The following DNAH3 variants were observed in gnomAD, a reference collection of about 807,000 sequenced individuals.
The protein encoded by DNAH3 is dynein axonemal heavy chain 3, also known as axonemal beta dynein heavy chain 3.
A neutral mutation model predicts 432.5 loss-of-function variants in DNAH3; 332 were observed. The observed-to-expected ratio is 0.77, with a 90% CI of 0.70 to 0.84. The LOEUF is 0.84. Among genes scored for constraint, DNAH3 ranks in the 40% least tolerant of loss-of-function variants. The pLI, the probability that DNAH3 is intolerant of heterozygous loss-of-function variation, is 0.00. For synonymous variants in DNAH3, 1,956 were observed against 1,900.2 expected (o/e 1.03, Z -0.76); for missense variants, 4,861 against 5,114.0 (o/e 0.95, Z 1.51).
intron 37 of DNAH3, among the ~76,000 whole-genome samples, chr16:21,028,300 TC>T (rs1185405314): frequency 1.3e-5 from 2 of 152,118 alleles, no homozygotes; most frequent in Non-Finnish European, 2.9e-5. Flanking sequence ...TGTCTCTGCC[TC>T]CCAAAGTGCT....
chr16:21,157,170 C>A (rs1413306177), intron 1 of DNAH3, among the ~76,000 whole-genome samples: 1 of 152,086 alleles, frequency 6.6e-6, no homozygotes, highest in African/African-American at 2.4e-5. Flanking sequence ...TGTGGAATTA[C>A]AGCAGGATTC....
chr16:20,936,112 C>T (rs2083579016), intron 60 of DNAH3, among the ~76,000 whole-genome samples: 1 of 151,928 alleles, frequency 6.6e-6, no homozygotes, highest in Non-Finnish European at 1.5e-5. Context: ...CCAAACCAAA[C>T]ATAATTATTG....
At chr16:21,105,563 C>T (rs769619490) in intron 15 of DNAH3, among the ~76,000 whole-genome samples, 23 of 152,000 alleles carry the variant, frequency 1.5e-4, no homozygotes, top group Non-Finnish European at 2.8e-4. Context: ...GCCAGGAGTT[C>T]AAGACTAGCC....
intron 20 of DNAH3, among the ~76,000 whole-genome samples, chr16:21,079,920 G>C (rs1262717978): frequency 2.0e-5 from 3 of 152,202 alleles, no homozygotes; most frequent in Non-Finnish European, 4.4e-5. Context: ...AATTAGACCT[G>C]CTCTGGTGCA....
chr16:21,094,316 T>A (rs1212869449), intron 18 of DNAH3, among the ~76,000 whole-genome samples: 3 of 152,046 alleles, frequency 2.0e-5, no homozygotes, highest in Non-Finnish European at 4.4e-5. Context: ...CATTAGGCAT[T>A]GGGGAAATGC....
intron 20 of DNAH3, among the ~76,000 whole-genome samples, chr16:21,080,383 A>G (rs761698598): frequency 1.3e-5 from 2 of 152,252 alleles, no homozygotes; most frequent in Non-Finnish European, 2.9e-5. Flanking sequence ...TAGTTCCAAT[A>G]ATGTATTTGA....
intron 1 of DNAH3, among the ~76,000 whole-genome samples, chr16:21,148,181 G>A (rs1002467295): frequency 2.0e-5 from 3 of 152,044 alleles, no homozygotes; most frequent in African/African-American, 7.2e-5. Context: ...CCTTAAAGAT[G>A]ACTCAAATTA....
At chr16:21,153,925 C>A (rs548922636) in intron 1 of DNAH3, among the ~76,000 whole-genome samples, 1 of 152,174 alleles carries the variant, frequency 6.6e-6, no homozygotes, top group Non-Finnish European at 1.5e-5. Context: ...GCTTTTCCAT[C>A]TCTTATATTA....
chr16:21,018,837 G>A (rs1163477719), intron 41 of DNAH3, among the ~76,000 whole-genome samples: 2 of 151,974 alleles, frequency 1.3e-5, no homozygotes, highest in African/African-American at 2.4e-5. Context: ...AGTGGGTGCA[G>A]TGAGCCAAGA....
intron 41 of DNAH3, among the ~76,000 whole-genome samples, chr16:21,007,460 A>AC (rs1344541705): frequency 6.6e-6 from 1 of 152,016 alleles, no homozygotes; most frequent in East Asian, 1.9e-4. Context: ...TGATTTGCCC[A>AC]CCTCAACTTC....
chr16:20,947,996 A>C (rs2084127600), intron 57 of DNAH3, among the ~76,000 whole-genome samples: 1 of 152,036 alleles, frequency 6.6e-6, no homozygotes, highest in African/African-American at 2.4e-5. Context: ...GGCTGGTCTC[A>C]AACTCCTGAG....
intron 27 of DNAH3, among the ~76,000 whole-genome samples, chr16:21,056,108 T>C (rs967122631): frequency 1.3e-5 from 2 of 151,796 alleles, no homozygotes; most frequent in Admixed American, 6.5e-5. Context: ...TATGTGGTGT[T>C]GGGGCTTCTC....
At chr16:21,104,685 C>T (rs1427299132) in intron 15 of DNAH3, 91 bp from the exon 16 acceptor site, 1 of 738,218 alleles carries the variant, frequency 1.4e-6, no homozygotes, top group African/African-American at 1.7e-5. Context: ...AAGAGGTCAA[C>T]AGGAGTGGTG....
intron 37 of DNAH3, among the ~76,000 whole-genome samples, chr16:21,027,578 G>T (rs191543860): frequency 7.2e-5 from 11 of 152,212 alleles, no homozygotes; most frequent in African/African-American, 2.7e-4. Flanking sequence ...GGTGGCTCAC[G>T]CCTGTAATCC....
At chr16:20,947,005 A>G (rs1044531911) in intron 57 of DNAH3, among the ~76,000 whole-genome samples, 2 of 151,372 alleles carry the variant, frequency 1.3e-5, no homozygotes, top group African/African-American at 4.9e-5. Flanking sequence ...TTGTATTTTT[A>G]GTAGAGACAG....
chr16:21,155,471 A>C (rs2092891635), intron 1 of DNAH3, among the ~76,000 whole-genome samples: 1 of 151,794 alleles, frequency 6.6e-6, no homozygotes, highest in African/African-American at 2.4e-5. Context: ...AAAATACAAA[A>C]ATTAGCTGGG....
At chr16:20,990,799 A>G (rs1161179884) in intron 44 of DNAH3, among the ~76,000 whole-genome samples, 1 of 152,162 alleles carries the variant, frequency 6.6e-6, no homozygotes, top group Admixed American at 6.5e-5. Flanking sequence ...AGGCGTGCAG[A>G]TCACGAGGTC....
intron 38 of DNAH3, 70 bp from the exon 39 acceptor site, chr16:21,024,771 C>T: frequency 8.7e-7 from 1 of 1,154,180 alleles, no homozygotes; most frequent in African/African-American, 1.5e-5. Flanking sequence ...ATTTATTGAG[C>T]AATCTACTGC....
intron 11 of DNAH3, chr16:21,120,645 G>C (rs2092316306): frequency 3.2e-6 from 3 of 939,192 alleles, no homozygotes; most frequent in Admixed American, 3.8e-5. Context: ...GTCTCGTAAA[G>C]TCATTGGTAT....
Sources: allele counts gnomAD v4.1 joint callset (sites outside exome capture counted in the v4.1 genomes callset), GRCh38; gene constraint gnomAD v4.1.1; transcripts MANE v1.5; gene names NCBI Gene and HGNC (gene_info 2026-07-23, HGNC 2026-07-21).